The following KIF1B variants were observed in gnomAD, a reference collection of about 807,000 sequenced individuals.
KIF1B encodes the protein kinesin family member 1B, also known as kinesin-like protein KIF1B.
KIF1B carries 76 observed loss-of-function variants against 241.9 expected under a neutral mutation model. The observed-to-expected ratio is 0.31, with a 90% CI of 0.26 to 0.38. The LOEUF is 0.38. Ranked by LOEUF, KIF1B falls within the 10% of genes least tolerant of loss-of-function variation. The pLI is 1.00. For missense variants in KIF1B, 1,622 were observed against 2,271.4 expected, an observed-to-expected ratio of 0.71 and a Z score of 5.81; for synonymous variants, 750 against 796.7, an observed-to-expected ratio of 0.94 and a Z score of 0.99.
intron 43 of KIF1B, among the ~76,000 whole-genome samples, chr1:10,366,748 G>A (rs1638586146): frequency 6.6e-6 from 1 of 152,116 alleles, no homozygotes; most frequent in South Asian, 2.1e-4. Flanking sequence ...CGAGGCAGGT[G>A]GATCACAAGG....
Position 10,365,482 on chromosome 1 carries a change from C to G in KIF1B, c.4586C>G (p.Ser1529Trp), listed in dbSNP as rs781051649. Residue 1529 changes from serine (S) to tryptophan (W), a missense_variant, in exon 43 of 49, where the codon TCG (serine) becomes TGG (tryptophan). By Grantham distance (177) the Ser-to-Trp change is radical (BLOSUM62 -3). Around this residue, in one of 7 missense-constraint regions of KIF1B, gnomAD observed 357 missense variants for 409.0 expected, o/e 0.87. Coordinates refer to ENST00000676179, the MANE Select transcript of KIF1B (RefSeq NM_001365951.3). This position sits in a 1 kb window ranked among gnomAD's most constrained non-coding sequence, Gnocchi z 4.0. ...GDSIPKSLSDSLSPSLSSGTL... is the reference protein window; with the variant it reads ...GDSIPKSLSDWLSPSLSSGTL... ...AGCATCCCCAAATCCCTGAGCGACT[C>G]GTTATCCCCCAGCCTCAGCAGTGGG... The G allele has an allele frequency of 1.2e-6, 2 of 1,614,110 alleles. No homozygotes were observed. Among genetic ancestry groups the G allele is most frequent in the Admixed American group, 1.7e-5 (1 of 60,010 alleles).
At chr1:10,291,579 G>C (rs1273984482) in intron 16 of KIF1B, among the ~76,000 whole-genome samples, 1 of 152,020 alleles carries the variant, frequency 6.6e-6, no homozygotes, top group African/African-American at 2.4e-5. Flanking sequence ...GGGCATGGTG[G>C]TGGGCACCTG....
chr1:10,342,206 T>G, intron 33 of KIF1B, 38 bp downstream of exon 33: 3 of 1,287,900 alleles, frequency 2.3e-6, no homozygotes, highest in Non-Finnish European at 3.4e-6. Context: ...GATGGTATTG[T>G]TTTGATTTTT....
At position 10,231,689 on chromosome 1, in the gene KIF1B, A is replaced by G. The variant is rs992716937; in HGVS notation, c.-79-561A>G. Among the ~76,000 whole-genome samples, 12 of 152,222 alleles carry G rather than the reference A, an allele frequency of 7.9e-5. No individual in the cohort carries two copies. The East Asian group carries it at 1.9e-3, about 25-fold the overall frequency. ...GGCATGAGCCACCATGCCTGGCCCA[A>G]TGCACTTCTTTAAAGAGAAGTAGTA... On this transcript the variant is annotated intron_variant, in intron 1 of 48. Coordinates refer to ENST00000676179, the MANE Select transcript of KIF1B (RefSeq NM_001365951.3).
intron 15 of KIF1B, among the ~76,000 whole-genome samples, chr1:10,288,259 C>T (rs1358538539): frequency 6.6e-6 from 1 of 152,148 alleles, no homozygotes; most frequent in African/African-American, 2.4e-5. Flanking sequence ...TAACACCACT[C>T]TTAGTGGTTG....
chr1:10,301,259 A>G (rs1185527789), intron 22 of KIF1B, among the ~76,000 whole-genome samples: 1 of 152,232 alleles, frequency 6.6e-6, no homozygotes, highest in Non-Finnish European at 1.5e-5. Context: ...TTTGGTAACC[A>G]CAGTGAATAA....
chr1:10,221,857 C>A (rs1446904539), intron 1 of KIF1B, among the ~76,000 whole-genome samples: 2 of 152,022 alleles, frequency 1.3e-5, no homozygotes, highest in Admixed American at 1.3e-4. Context: ...GCTCTGTCGC[C>A]CAGGTTGGAG....
At chr1:10,328,131 AG>A (rs1285202945) in intron 27 of KIF1B, among the ~76,000 whole-genome samples, 2 of 152,228 alleles carry the variant, frequency 1.3e-5, no homozygotes, top group African/African-American at 4.8e-5. Context: ...TTGAGGCTGC[AG>A]TGAGCCATGA....
At chr1:10,338,313 T>G (rs1431927232) in intron 31 of KIF1B, among the ~76,000 whole-genome samples, 1 of 152,202 alleles carries the variant, frequency 6.6e-6, no homozygotes, top group African/African-American at 2.4e-5. Context: ...TAGTGCAGTT[T>G]ATAAAGCTTT....
At chr1:10,316,928 A>G (rs780880873) in intron 22 of KIF1B, among the ~76,000 whole-genome samples, 5 of 150,002 alleles carry the variant, frequency 3.3e-5, no homozygotes, top group Admixed American at 6.6e-5. Flanking sequence ...TGTTTTTCAG[A>G]TGGGATCTTG....
At position 10,374,498 on chromosome 1, in the gene KIF1B, TA is replaced by T. The variant is rs1160135668; in HGVS notation, c.5096+39del. The T allele has an allele frequency of 1.2e-6, 2 of 1,611,496 alleles. No individual in the cohort carries two copies. The highest frequency in any genetic ancestry group is 1.7e-6 in the Non-Finnish European group (2 of 1,177,714). On this transcript the variant is annotated intron_variant, in intron 46 of 48. Coordinates refer to ENST00000676179, the MANE Select transcript of KIF1B (RefSeq NM_001365951.3). The surrounding 1 kb of genome is among the most constrained non-coding windows in gnomAD (Gnocchi z 4.3). ...CTATATTGAGCAGGAATGCCAGCTA[TA>T]AAAAACAAATCCACAGGAAGAAGTG... is the stretch of plus-strand genomic sequence containing the variant.
rs1334120459 is a variant in KIF1B, at chr1:10,232,161, T to C, written c.-79-89T>C. On this transcript the variant is annotated intron_variant, in intron 1 of 48. Transcript: ENST00000676179. ...TCGTTTTTATAAATGGAAACAGAAA[T>C]AGAACTAAGATAGTAGTTCTTATGC... 5.0e-6 allele frequency: 3 copies of C among 600,250 alleles called. No homozygotes were observed. In the African/African-American group the frequency reaches 5.6e-5, roughly 11 times the overall value. 37.2% of individuals were successfully genotyped at this position (600,250 alleles called of 1,614,324 possible). A position where few individuals can be genotyped will look rare whatever the true frequency, so the allele number is the denominator to read the frequency against.
chr1:10,278,251 A>ATGTTT (rs1177137384), intron 13 of KIF1B, 123 bp downstream of exon 13: 46 of 1,068,902 alleles, frequency 4.3e-5, no homozygotes, highest in East Asian at 2.6e-4. Flanking sequence ...GGTAGTGAAA[A>ATGTTT]TGTTTTGTTT....
chr1:10,368,638 C>T, intron 44 of KIF1B, 100 bp downstream of exon 44: 2 of 952,858 alleles, frequency 2.1e-6, no homozygotes, highest in African/African-American at 1.6e-5. Flanking sequence ...TTTTAAGCAA[C>T]TTGTCATGGG....
chr1:10,282,353 A>G lies in KIF1B; in HGVS notation c.1254A>G (p.Arg418=), dbSNP rs2102232545. The change falls in exon 15 of 49, where the codon AGA becomes AGG. Residue 418 remains arginine, a synonymous_variant. Transcript: ENST00000676179. ...YLKDFQNNKH[R]YLLASENQRP... is the part of the protein sequence containing the mutation. ...AAGATTTTCAGAACAATAAGCATAG[A>G]TACTTGCTAGCCTCTGAGAATCAAC... 1 of 1,614,064 alleles carries G rather than the reference A, an allele frequency of 6.2e-7. No homozygotes were observed. Among genetic ancestry groups the G allele is most frequent in the Non-Finnish European group, 8.5e-7 (1 of 1,180,024 alleles).
rs146557133 is a variant in KIF1B, at chr1:10,237,033, C to T, written c.106+4599C>T. ...TGCACTAGAATGTTTCTGCCATAAA[C>T]TCTCTTATGAAAAAGTAGAAGAGTA... On this transcript the variant is annotated intron_variant, in intron 2 of 48. Coordinates refer to ENST00000676179, the MANE Select transcript of KIF1B (RefSeq NM_001365951.3). Among the ~76,000 whole-genome samples, 9 of 152,256 alleles carry T rather than the reference C, an allele frequency of 5.9e-5. No homozygotes were observed. In the East Asian group the frequency reaches 1.7e-3, roughly 29 times the overall value.
intron 22 of KIF1B, chr1:10,307,906 A>C (rs770646294): frequency 1.9e-6 from 2 of 1,050,452 alleles, no homozygotes; most frequent in Non-Finnish European, 2.3e-6. Flanking sequence ...TCCTGCTTCT[A>C]ATTCCTTCTA....
At position 10,303,914 on chromosome 1, in the gene KIF1B, G is replaced by T; in HGVS notation, c.2115+6668G>T. 6.2e-7 allele frequency: 1 copy of T among 1,614,190 alleles called. No homozygotes were observed. Among genetic ancestry groups the T allele is most frequent in the Non-Finnish European group, 8.5e-7 (1 of 1,180,040 alleles). Reference sequence around the variant, plus strand: ...GAACGTGTTTCCCAGCTGATGAATGGGGATCCAGCTTTTAGACGTGGACGT... The same window carrying T: ...GAACGTGTTTCCCAGCTGATGAATGTGGATCCAGCTTTTAGACGTGGACGT... On this transcript the variant is annotated intron_variant, in intron 22 of 48. Transcript: ENST00000676179. This position sits in a 1 kb window ranked among gnomAD's most constrained non-coding sequence, Gnocchi z 5.2.
At chr1:10,323,822 G>A (rs1176634384) in intron 24 of KIF1B, 62 bp from the exon 25 acceptor site, 4 of 1,342,576 alleles carry the variant, frequency 3.0e-6, no homozygotes, top group South Asian at 2.3e-5. Flanking sequence ...TGATTGTATC[G>A]TCTCATCTCT....
Sources: gnomAD v4.1 joint callset for allele counts (sites outside exome capture counted in the v4.1 genomes callset) on GRCh38, gnomAD v4.1.1 for gene constraint, gnomAD v4.1.1 regional missense constraint, Gnocchi (gnomAD v3.1) non-coding constraint, MANE v1.5 for transcripts, NCBI Gene and HGNC (gene_info 2026-07-23, HGNC 2026-07-21) for gene names.